The following ZNF75D variants were observed in gnomAD, a reference collection of about 807,000 sequenced individuals.
ZNF75D encodes zinc finger protein 75D.
In ZNF75D, 33 loss-of-function variants were observed where a neutral mutation model predicts 33.3. The observed-to-expected ratio is 0.99, with a 90% CI of 0.75 to 1.32. The LOEUF (loss-of-function observed/expected upper bound fraction) is 1.32. Among genes scored for constraint, ZNF75D ranks in the 40% most tolerant of loss-of-function variants. The pLI is 0.00. For missense variants in ZNF75D, 338 were observed against 367.5 expected, an observed-to-expected ratio of 0.92 and a Z score of 0.66; for synonymous variants, 113 against 130.6, an observed-to-expected ratio of 0.87 and a Z score of 0.92.
chrX:135,293,050 G>A (rs1164133317), intron 3 of ZNF75D, among the ~76,000 whole-genome samples: 1 of 110,933 alleles, frequency 9.0e-6, no homozygotes, highest in Non-Finnish European at 1.9e-5. Flanking sequence ...TTTCAAGGTA[G>A]GCTCCTGAAA....
chrX:135,338,930 C>T (rs1211816968), intron 1 of ZNF75D, among the ~76,000 whole-genome samples: 1 of 104,121 alleles, frequency 9.6e-6, no homozygotes, highest in East Asian at 3.1e-4. Flanking sequence ...TCACCTCCCT[C>T]CTGCTATTCT....
In ZNF75D at chrX:135,318,090, T is replaced by A. The variant is rs868980687; in HGVS notation, c.-390-22051A>T. 4.9e-3 allele frequency among the ~76,000 whole-genome samples: 479 copies of A among 98,392 alleles called. 1 individual carries two copies. The highest frequency in any genetic ancestry group is 0.011 in the African/African-American group (314 of 27,817). 85.4% of individuals were successfully genotyped at this position (98,392 alleles called of 115,157 possible). A position where few individuals can be genotyped will look rare whatever the true frequency, so the allele number is the denominator to read the frequency against. On this transcript the variant is annotated intron_variant, in intron 1 of 6. Transcript: ENST00000370766. ...GGCTTGATATATATATATATATATT[T>A]TTTTTTTTTTTTTGCGTATTGACAA... is the stretch of plus-strand genomic sequence containing the variant.
chrX:135,330,351 C>A (rs1170586026), intron 1 of ZNF75D: 1 of 111,607 alleles, frequency 9.0e-6, no homozygotes, highest in African/African-American at 3.3e-5. Context: ...ACTTGGTTAT[C>A]TTGATTTCAT....
chrX:135,294,163 C>A lies in ZNF75D; in HGVS notation c.-23G>T. 8.7e-7 allele frequency: 1 copy of A among 1,155,163 alleles called. No individual in the cohort carries two copies. The stretch of plus-strand genomic sequence containing the variant: ...CATTTGCTCTAGGAACAGTTTTACT[C>A]TTGTATGTGACACTGACACCCACCT... On this transcript the variant is annotated 5_prime_UTR_variant, in exon 3 of 7. An upstream open reading frame in the 5' UTR gains an earlier in-frame stop. Coordinates refer to ENST00000370766, the MANE Select transcript of ZNF75D (RefSeq NM_007131.5).
At chrX:135,276,097 T>C (rs781788459) in intron 1 of ZNF75D, among the ~76,000 whole-genome samples, 30 of 111,621 alleles carry the variant, frequency 2.7e-4, no homozygotes, top group Non-Finnish European at 4.9e-4. Context: ...GGCTTCTCTC[T>C]CTCTCTGTGC....
At chrX:135,306,282 GATAC>G (rs1286166940) in intron 1 of ZNF75D, among the ~76,000 whole-genome samples, 20 of 74,126 alleles carry the variant, frequency 2.7e-4, no homozygotes, top group South Asian at 9.9e-4. Context: ...GGACAACAGA[GATAC>G]ATACACACAC....
intron 3 of ZNF75D, 45 bp from the exon 4 acceptor site, chrX:135,292,518 T>C: frequency 3.5e-6 from 4 of 1,152,734 alleles, no homozygotes; most frequent in Non-Finnish European, 4.7e-6. Context: ...TTACTTTTGG[T>C]TTTGGGGTGG....
chrX:135,316,799 A>G (rs1009412329), intron 1 of ZNF75D, among the ~76,000 whole-genome samples: 3 of 108,128 alleles, frequency 2.8e-5, no homozygotes, highest in Middle Eastern at 4.3e-3. Flanking sequence ...TTGCAGTTCA[A>G]TGTAGTCTTC....
intron 1 of ZNF75D, among the ~76,000 whole-genome samples, chrX:135,329,318 C>G (rs183550291): frequency 3.6e-5 from 4 of 112,157 alleles, no homozygotes; most frequent in Admixed American, 2.8e-4. Context: ...GAGTCTTACT[C>G]TGTAGCCCAA....
intron 1 of ZNF75D, among the ~76,000 whole-genome samples, chrX:135,325,117 A>G (rs1556436818): frequency 9.1e-6 from 1 of 110,248 alleles, no homozygotes. Context: ...TGACTGCTTA[A>G]ATCAGAGGTT....
chrX:135,328,272 T>C (rs782177498), intron 1 of ZNF75D, among the ~76,000 whole-genome samples: 1 of 111,586 alleles, frequency 9.0e-6, no homozygotes, highest in East Asian at 2.8e-4. Flanking sequence ...CAAACTCTGT[T>C]GTTTGAGTGG....
intron 1 of ZNF75D, among the ~76,000 whole-genome samples, chrX:135,272,831 T>C (rs2083887752): frequency 9.0e-6 from 1 of 111,695 alleles, no homozygotes; most frequent in African/African-American, 3.3e-5. Flanking sequence ...TTTGTAACTT[T>C]ACTTTATTCT....
At chrX:135,276,846 T>C (rs782581718) in intron 1 of ZNF75D, among the ~76,000 whole-genome samples, 1 of 112,154 alleles carries the variant, frequency 8.9e-6, no homozygotes, top group Admixed American at 9.5e-5. Context: ...GACTGCATAG[T>C]ATTCCGTGGT....
intron 1 of ZNF75D, among the ~76,000 whole-genome samples, chrX:135,271,756 G>T (rs782656100): frequency 9.0e-6 from 1 of 111,450 alleles, no homozygotes; most frequent in Non-Finnish European, 1.9e-5. Flanking sequence ...GCAGTTTGTT[G>T]GTCTCATATA....
chrX:135,297,125 A>C (rs781905769), intron 1 of ZNF75D: 190 of 112,309 alleles, frequency 1.7e-3, no homozygotes, highest in African/African-American at 5.8e-3. Flanking sequence ...GGTGTAGCTT[A>C]GTTTTACAAT....
At position 135,291,134 on chromosome X, in the gene ZNF75D, C is replaced by T. The variant is rs781815830; in HGVS notation, c.698G>A (p.Ser233Asn). The T allele has an allele frequency of 5.0e-6, 6 of 1,211,400 alleles. No individual in the cohort carries two copies. In the South Asian group the frequency reaches 7.0e-5, roughly 14 times the overall value. Residue 233 changes from serine (S) to asparagine (N), a missense_variant and splice_region_variant, in exon 6 of 7, where the codon AGT (serine) becomes AAT (asparagine). Around this residue, in one of 3 missense-constraint regions of ZNF75D, gnomAD observed 254 missense variants for 267.7 expected, o/e 0.95. Transcript: ENST00000370766. ...AGCCACATCTTCAAATGTCAACAAACTCTAAAGAAGAGAATGGGCTATAGT... is the reference window on the plus strand; with the variant it reads ...AGCCACATCTTCAAATGTCAACAAATTCTAAAGAAGAGAATGGGCTATAGT... ...ASKLILPESL[S>N]LLTFEDVAVY...
intron 1 of ZNF75D, among the ~76,000 whole-genome samples, chrX:135,256,456 A>G (rs2083800484): frequency 8.9e-6 from 1 of 111,965 alleles, no homozygotes; most frequent in Non-Finnish European, 1.9e-5. Flanking sequence ...AGCCCTCGCC[A>G]GAAGAATCAC....
intron 1 of ZNF75D, among the ~76,000 whole-genome samples, chrX:135,324,135 T>C (rs2084532203): frequency 9.0e-6 from 1 of 111,143 alleles, no homozygotes. Flanking sequence ...CAGTAAAAGA[T>C]GAAAAATGGA....
rs1556419790 is a variant in ZNF75D at position 135,287,264 on chromosome X, C to A, written c.1406G>T (p.Arg469Ile). Residue 469 changes from arginine (R) to isoleucine (I), a missense_variant, in exon 7 of 7, where the codon AGA (arginine) becomes ATA (isoleucine). This residue lies in a region of ZNF75D where 79 missense variants were observed against 80.1 expected (regional missense o/e 0.99). Transcript: ENST00000370766. ...ATAAGGCTGCTCACCTGTGTGAGTT[C>A]TCTGGTGTTTAATAAGGTGGGAGTT... The part of the protein sequence containing the change: ...IQNSHLIKHQ[R>I]THTGEQPYTC... The A allele has an allele frequency of 8.3e-7, 1 of 1,211,741 alleles. No individual in the cohort carries two copies. Among genetic ancestry groups the A allele is most frequent in the Admixed American group, 2.2e-5 (1 of 46,039 alleles).
Sources: allele counts gnomAD v4.1 joint callset (sites outside exome capture counted in the v4.1 genomes callset), GRCh38; gene constraint gnomAD v4.1.1; regional missense constraint gnomAD v4.1.1; transcripts MANE v1.5; gene names NCBI Gene and HGNC (gene_info 2026-07-23, HGNC 2026-07-21).